Variants in DEPTOR observed in about 807,000 individuals in gnomAD.
DEPTOR encodes DEP domain-containing mTOR-interacting protein.
A neutral mutation model predicts 41.6 loss-of-function variants in DEPTOR; 41 were observed. That is an observed-to-expected ratio of 0.98 (90% CI 0.77 to 1.28). The LOEUF (loss-of-function observed/expected upper bound fraction) is 1.28, where lower values mean the gene tolerates loss of function less well. Ranked by LOEUF, DEPTOR falls within the 50% of genes most tolerant of loss-of-function variation. DEPTOR has a pLI of 0.00. For missense variants in DEPTOR, 514 were observed against 527.9 expected, an observed-to-expected ratio of 0.97 and a Z score of 0.26; for synonymous variants, 195 against 192.3, an observed-to-expected ratio of 1.01 and a Z score of -0.12.
intron 4 of DEPTOR, among the ~76,000 whole-genome samples, chr8:119,988,963 T>C (rs868604520): frequency 0.014 from 1,632 of 116,134 alleles, 28 homozygotes; most frequent in African/African-American, 0.038. Flanking sequence ...TTTTTCTTTT[T>C]TTTTTTTTTT....
intron 1 of DEPTOR, among the ~76,000 whole-genome samples, chr8:119,918,938 A>AGTGTGTGTGTGTGTGTGTGTGT (rs751715374): frequency 1.3e-4 from 18 of 133,554 alleles, no homozygotes; most frequent in South Asian, 1.1e-3. Flanking sequence ...TTGCATAGTG[A>AGTGTGTGTGTGTGTGTGTGTGT]GTGTGTGTGT....
intron 1 of DEPTOR, among the ~76,000 whole-genome samples, chr8:119,916,068 A>G (rs901709118): frequency 5.3e-5 from 8 of 151,376 alleles, no homozygotes; most frequent in Non-Finnish European, 1.2e-4. Context: ...TATCATTCCC[A>G]TTTTACAGAT....
At chr8:120,013,453 A>G (rs1430673719) in intron 8 of DEPTOR, among the ~76,000 whole-genome samples, 1 of 152,220 alleles carries the variant, frequency 6.6e-6, no homozygotes, top group Non-Finnish European at 1.5e-5. Context: ...TGTATAATCT[A>G]TTCGTAAAGG....
chr8:119,923,893 C>CTTTTCTTTTTTTTTTTTTTTTTTTTTTT (rs1554673843), intron 1 of DEPTOR, among the ~76,000 whole-genome samples: 1 of 104,980 alleles, frequency 9.5e-6, no homozygotes, highest in African/African-American at 3.0e-5. Flanking sequence ...TTTTTTCTTT[C>CTTTTCTTTTTTTTTTTTTTTTTTTTTTT]TTTTTTTTTT....
chr8:120,049,740 G>A lies in DEPTOR; in HGVS notation c.*36G>A. On this transcript the variant is annotated 3_prime_UTR_variant, in exon 9 of 9. Transcript: ENST00000286234. ...CTCCCAGCCCTCCAGTGGCCTGTGG[G>A]TGAGGGAAGCCAGAATGACACAAAG... 6.2e-7 allele frequency: 1 copy of A among 1,610,848 alleles called. No individual in the cohort carries two copies. Among genetic ancestry groups the A allele is most frequent in the South Asian group, 1.1e-5 (1 of 90,802 alleles).
chr8:119,938,455 A>AT (rs1220123292), intron 3 of DEPTOR, among the ~76,000 whole-genome samples: 2 of 152,212 alleles, frequency 1.3e-5, no homozygotes, highest in Admixed American at 6.5e-5. Context: ...GCCATGGGAA[A>AT]TTTTTCACCT....
At chr8:119,894,412 T>TTTATTTATTTA (rs1554671423) in intron 1 of DEPTOR, among the ~76,000 whole-genome samples, 3,451 of 148,694 alleles carry the variant, frequency 0.023, 85 homozygotes, top group Admixed American at 0.035. Flanking sequence ...TTATTTATTT[T>TTTATTTATTTA]TTGAGACAGA....
chr8:120,012,718 G>A (rs1322087956), intron 8 of DEPTOR, among the ~76,000 whole-genome samples: 2 of 152,060 alleles, frequency 1.3e-5, no homozygotes, highest in East Asian at 2.0e-4. Context: ...TGTATTTTTA[G>A]TAGAGACAGG....
rs147092773 is a variant in DEPTOR, at chr8:120,006,853, C to T, written c.974C>T (p.Pro325Leu). Residue 325 changes from proline to leucine, a missense_variant, in exon 7 of 9, where the codon CCG becomes CTG. Pro to Leu is a moderately conservative substitution (Grantham distance 98). Transcript: ENST00000286234. ...GAGGAACTCCTTACTCCCGGGGCTCCGTATGCAAGGAAGACATTCACGGTA... is the reference window on the plus strand; with the variant it reads ...GAGGAACTCCTTACTCCCGGGGCTCTGTATGCAAGGAAGACATTCACGGTA... ...TSEELLTPGA[P>L]YARKTFTIVG... is the part of the protein sequence containing the mutation. The T allele has an allele frequency of 4.0e-5, 64 of 1,614,128 alleles. No individual in the cohort carries two copies. The highest frequency in any genetic ancestry group is 4.7e-5 in the Non-Finnish European group (55 of 1,180,020).
At chr8:119,929,979 A>C in intron 3 of DEPTOR, 41 bp downstream of exon 3, 1 of 1,590,210 alleles carries the variant, frequency 6.3e-7, no homozygotes. Flanking sequence ...CTTGACTTAT[A>C]GAAAGAAGCA....
In DEPTOR at chr8:119,894,304, G is replaced by A. The variant is rs570550768; in HGVS notation, c.122+20336G>A. Among the ~76,000 whole-genome samples the A allele has an allele frequency of 2.0e-4, 31 of 152,190 alleles. No homozygotes were observed. The South Asian group carries it at 2.9e-3, about 14-fold the overall frequency. On this transcript the variant is annotated intron_variant, in intron 1 of 8. Coordinates refer to ENST00000286234, the MANE Select transcript of DEPTOR (RefSeq NM_022783.4). ...TGGTCTCAAACTCCTGGGCTCAAGC[G>A]AGCCTCCCACGTCGGCCTCCCAAGG...
At chr8:119,937,843 G>T (rs1489960197) in intron 3 of DEPTOR, among the ~76,000 whole-genome samples, 1 of 152,122 alleles carries the variant, frequency 6.6e-6, no homozygotes, top group Non-Finnish European at 1.5e-5. Flanking sequence ...ACATGCAGTG[G>T]GCTGTGTGAC....
chr8:120,021,637 C>T (rs1405565012), intron 8 of DEPTOR, among the ~76,000 whole-genome samples: 1 of 152,140 alleles, frequency 6.6e-6, no homozygotes, highest in African/African-American at 2.4e-5. Context: ...TATGTAATCA[C>T]ATGTTTCTGC....
chr8:120,049,499 T>C (rs1813199920), intron 8 of DEPTOR, 77 bp from the exon 9 acceptor site: 1 of 1,543,758 alleles, frequency 6.5e-7, no homozygotes, highest in Non-Finnish European at 8.8e-7. Context: ...CTGTTAGGGC[T>C]ACACACTGTC....
At chr8:119,928,277 TA>T in intron 1 of DEPTOR, 122 bp from the exon 2 acceptor site, 1 of 1,052,006 alleles carries the variant, frequency 9.5e-7, no homozygotes, top group African/African-American at 1.6e-5. Context: ...CCAAGCGAGC[TA>T]AAGATATTCA....
chr8:120,016,123 A>G (rs1478018929), intron 8 of DEPTOR, among the ~76,000 whole-genome samples: 1 of 152,092 alleles, frequency 6.6e-6, no homozygotes, highest in East Asian at 1.9e-4. Context: ...ACTTCTTAAT[A>G]ACTCTTTCAA....
chr8:120,005,829 C>G (rs1393790136), intron 6 of DEPTOR, among the ~76,000 whole-genome samples: 1 of 152,144 alleles, frequency 6.6e-6, no homozygotes, highest in Non-Finnish European at 1.5e-5. Context: ...TGGTGGGCAA[C>G]AGCAGTGAGC....
At chr8:120,037,850 T>C (rs1813001436) in intron 8 of DEPTOR, among the ~76,000 whole-genome samples, 2 of 152,288 alleles carry the variant, frequency 1.3e-5, no homozygotes, top group South Asian at 4.1e-4. Flanking sequence ...ACATTCCCCA[T>C]CGTTTTCTTC....
At chr8:119,988,110 G>T (rs1417359856) in intron 4 of DEPTOR, among the ~76,000 whole-genome samples, 1 of 152,202 alleles carries the variant, frequency 6.6e-6, no homozygotes, top group Non-Finnish European at 1.5e-5. Context: ...CCAAATGGCT[G>T]CCCAGTTTTG....
Sources: allele counts gnomAD v4.1 joint callset (sites outside exome capture counted in the v4.1 genomes callset), GRCh38; gene constraint gnomAD v4.1.1; transcripts MANE v1.5; gene names NCBI Gene and HGNC (gene_info 2026-07-23, HGNC 2026-07-21).